The following NTAQ1 variants were observed in gnomAD, a reference collection of about 807,000 sequenced individuals.
NTAQ1 encodes N-terminal glutamine amidase 1.
A neutral mutation model predicts 28.2 loss-of-function variants in NTAQ1; 21 were observed. That is an observed-to-expected ratio of 0.74 (90% CI 0.53 to 1.07). The LOEUF (loss-of-function observed/expected upper bound fraction) is 1.07. NTAQ1 is among the 50% of genes least tolerant of loss of function. The probability of loss-of-function intolerance (pLI) is 0.00; values close to 1 mark genes in which losing one functional copy is unlikely to be tolerated. For synonymous variants in NTAQ1, 105 were observed against 90.0 expected (o/e 1.17, Z -0.94); for missense variants, 264 against 256.6 (o/e 1.03, Z -0.20).
At chr8:123,428,774 G>A (rs1458945130) in intron 2 of NTAQ1, among the ~76,000 whole-genome samples, 1 of 151,276 alleles carries the variant, frequency 6.6e-6, no homozygotes, top group African/African-American at 2.4e-5. Flanking sequence ...GCTAATTTTT[G>A]TATTTTCAGT....
Position 123,430,965 on chromosome 8 carries a change from G to T in NTAQ1, c.234+932G>T, listed in dbSNP as rs182789912. ...AAACTGAGTAGCTCAGAGTGGCATG[G>T]TCAGTGGCAGAACTGGGTCTCACAC... On this transcript the variant is annotated intron_variant, in intron 3 of 5. Transcript: ENST00000287387. Among the ~76,000 whole-genome samples the T allele has an allele frequency of 8.7e-4, 132 of 152,254 alleles. 1 individual carries two copies. Among genetic ancestry groups the T allele is most frequent in the Middle Eastern group, 6.8e-3 (2 of 294 alleles).
downstream of NTAQ1, among the ~76,000 whole-genome samples, chr8:123,474,840 TC>T (rs1348593805): frequency 6.6e-6 from 1 of 152,166 alleles, no homozygotes; most frequent in African/African-American, 2.4e-5. Context: ...TGAGCCGAGA[TC>T]CTGCCATTGC....
the NTAQ1 span, among the ~76,000 whole-genome samples, chr8:123,475,498 T>A: frequency 6.6e-6 from 1 of 152,184 alleles, no homozygotes; most frequent in Non-Finnish European, 1.5e-5. Context: ...TGTTTATATT[T>A]GTAAATTATA....
downstream of NTAQ1, among the ~76,000 whole-genome samples, chr8:123,444,390 G>A (rs576845001): frequency 1.1e-3 from 169 of 152,162 alleles, no homozygotes; most frequent in Non-Finnish European, 2.0e-3. Context: ...AGTAGAGATG[G>A]GATTTTACCA....
chr8:123,474,316 A>G (rs968768917), downstream of NTAQ1, among the ~76,000 whole-genome samples: 1 of 152,116 alleles, frequency 6.6e-6, no homozygotes, highest in African/African-American at 2.4e-5. Context: ...GTCTTTCATG[A>G]TTTTGACACT....
At chr8:123,458,841 C>T (rs944877573) in intron 6 of NTAQ1, among the ~76,000 whole-genome samples, 2 of 151,936 alleles carry the variant, frequency 1.3e-5, no homozygotes, top group Admixed American at 6.6e-5. Context: ...AGGATGGTCT[C>T]GATCTCCTGA....
chr8:123,465,893 C>CT (rs1815950446), intron 6 of NTAQ1, among the ~76,000 whole-genome samples: 1 of 152,084 alleles, frequency 6.6e-6, no homozygotes, highest in Non-Finnish European at 1.5e-5. Context: ...AGCATGACAT[C>CT]TTTGAGTTCC....
intron 6 of NTAQ1, among the ~76,000 whole-genome samples, chr8:123,462,568 T>C (rs1298643574): frequency 6.6e-6 from 1 of 152,244 alleles, no homozygotes; most frequent in Non-Finnish European, 1.5e-5. Flanking sequence ...AATTAGACCA[T>C]GTGCCAAGCC....
At chr8:123,470,543 C>A (rs566808584), downstream of NTAQ1, among the ~76,000 whole-genome samples, 3 of 152,262 alleles carry the variant, frequency 2.0e-5, no homozygotes, top group South Asian at 2.1e-4. Context: ...TAAAAGTGAA[C>A]CTGTGTTGAC....
intron 6 of NTAQ1, among the ~76,000 whole-genome samples, chr8:123,453,398 T>C (rs1815559910): frequency 6.6e-6 from 1 of 150,976 alleles, no homozygotes; most frequent in African/African-American, 2.4e-5. Flanking sequence ...GAATATTTCA[T>C]ACACCGAAAG....
chr8:123,464,772 G>T (rs1815922293), intron 6 of NTAQ1, among the ~76,000 whole-genome samples: 1 of 152,170 alleles, frequency 6.6e-6, no homozygotes, highest in Non-Finnish European at 1.5e-5. Flanking sequence ...CCTTGGCTGG[G>T]CACTGTGGCT....
intron 5 of NTAQ1, among the ~76,000 whole-genome samples, chr8:123,437,667 C>A: frequency 1.3e-5 from 2 of 148,428 alleles, no homozygotes; most frequent in Non-Finnish European, 1.5e-5. Context: ...CGGGCCACTG[C>A]ATTCCAGCCT....
chr8:123,432,186 A>G (rs1359961994), intron 3 of NTAQ1, among the ~76,000 whole-genome samples: 1 of 152,214 alleles, frequency 6.6e-6, no homozygotes. Context: ...ACCCCTTTCT[A>G]GATTTACTAA....
chr8:123,465,810 A>G (rs1815948238), intron 6 of NTAQ1, among the ~76,000 whole-genome samples: 1 of 151,852 alleles, frequency 6.6e-6, no homozygotes, highest in Non-Finnish European at 1.5e-5. Context: ...TCGGAACTCC[A>G]GGGCTCAAGC....
At chr8:123,469,751 C>T (rs548491874) in exon 7 of NTAQ1, among the ~76,000 whole-genome samples, 52 of 152,346 alleles carry the variant, frequency 3.4e-4, no homozygotes, top group African/African-American at 1.1e-3. Context: ...GATTATCAAA[C>T]GTCTACTATG....
intron 5 of NTAQ1, among the ~76,000 whole-genome samples, chr8:123,439,820 G>A (rs1377887222): frequency 6.6e-6 from 1 of 151,688 alleles, no homozygotes; most frequent in African/African-American, 2.4e-5. Context: ...CAGGCGTGGT[G>A]GTGCACGCCT....
chr8:123,448,550 T>C (rs146653570), downstream of NTAQ1, among the ~76,000 whole-genome samples: 975 of 151,982 alleles, frequency 6.4e-3, 16 homozygotes, highest in African/African-American at 0.022. Context: ...ACCCGGGAGG[T>C]GGAGGTTGCA....
chr8:123,431,341 A>G (rs1368077372), intron 3 of NTAQ1, among the ~76,000 whole-genome samples: 2 of 15,790 alleles, frequency 1.3e-4, no homozygotes, highest in Non-Finnish European at 2.7e-4. Context: ...CCATATCAAA[A>G]AAAAAAAAAA....
intron 5 of NTAQ1, among the ~76,000 whole-genome samples, chr8:123,439,721 C>G (rs1814934156): frequency 6.6e-6 from 1 of 151,880 alleles, no homozygotes; most frequent in African/African-American, 2.4e-5. Context: ...AACTCTTGGC[C>G]TCAGGTGATC....
Sources: gnomAD v4.1 joint callset for allele counts (sites outside exome capture counted in the v4.1 genomes callset) on GRCh38, gnomAD v4.1.1 for gene constraint, MANE v1.5 for transcripts, NCBI Gene and HGNC (gene_info 2026-07-23, HGNC 2026-07-21) for gene names.